Variants in PRTG observed in about 807,000 individuals in gnomAD.
PRTG encodes protogenin.
Under a neutral mutation model 122.5 loss-of-function variants are expected in PRTG, and 67 were observed. The ratio of observed to expected loss-of-function variants is 0.55; its 90% CI spans 0.45 to 0.67. The LOEUF is 0.67. PRTG is among the 30% of genes least tolerant of loss of function. The pLI, the probability that PRTG is intolerant of heterozygous loss-of-function variation, is 0.00. For missense variants in PRTG, 1,435 were observed against 1,415.4 expected (o/e 1.01, Z -0.22); for synonymous variants, 554 against 501.1 (o/e 1.11, Z -1.41).
chr15:55,675,380 T>A (rs2059496703), intron 9 of PRTG, 139 bp downstream of exon 9: 1 of 528,264 alleles, frequency 1.9e-6, no homozygotes, highest in African/African-American at 1.9e-5. Context: ...AAAGCAAGAG[T>A]GAGATTTTGA....
rs1470069141 is a variant in PRTG at position 55,612,583 on chromosome 15, T to C, written c.*7429A>G. ...GGAATAGTTTGCAGAAATATTAAAA[T>C]ACTCCATAATCTTGAAAAAGATCTT... On this transcript the variant is annotated 3_prime_UTR_variant, in exon 20 of 20. Coordinates refer to ENST00000389286, the MANE Select transcript of PRTG (RefSeq NM_173814.6). 6.6e-6 allele frequency: 1 copy of C among 151,544 alleles called. No homozygotes were observed. The highest frequency in any genetic ancestry group is 1.5e-5 in the Non-Finnish European group (1 of 67,814). 9.4% of individuals were successfully genotyped at this position (151,544 alleles called of 1,614,324 possible).
At position 55,619,835 on chromosome 15, in the gene PRTG, T is replaced by C. The variant is rs2059156403; in HGVS notation, c.*177A>G. The C allele has an allele frequency of 6.8e-6, 7 of 1,022,570 alleles. No individual in the cohort carries two copies. Among genetic ancestry groups the C allele is most frequent in the African/African-American group, 3.2e-5 (2 of 62,050 alleles). The allele number at this position is 1,022,570 out of a possible 1,614,324, so 63.3% of individuals were successfully genotyped here. ...TTCATTGTCCTTCGAACAGATTTAA[T>C]GGTGAGAATACCTGAGCATGGCCGT... On this transcript the variant is annotated 3_prime_UTR_variant, in exon 20 of 20. Transcript: ENST00000389286.
Position 55,680,193 on chromosome 15 carries a change from G to C in PRTG, c.834C>G (p.Val278=). The part of the protein sequence containing the change: ...WSRLDHKSID[V]FNTRVLGNGN... ...CATTTCCAAGTACCCGAGTATTAAA[G>C]ACATCAATGGATTTGTGATCTATTT... Residue 278 remains valine (V), a synonymous_variant, in exon 6 of 20, where the codon GTC becomes GTG. Coordinates refer to ENST00000389286, the MANE Select transcript of PRTG (RefSeq NM_173814.6). 6.2e-7 allele frequency: 1 copy of C among 1,609,636 alleles called. No individual in the cohort carries two copies. Among genetic ancestry groups the C allele is most frequent in the Non-Finnish European group, 8.5e-7 (1 of 1,176,162 alleles).
At position 55,736,503 on chromosome 15, in the gene PRTG, T is replaced by C. The variant is rs116257160; in HGVS notation, c.397+3879A>G. Reference sequence around the variant, plus strand: ...TACGCAAGCCTCACCCAAAGAACAGTTTTTCATGAATCCCACATAAACCCT... The same window carrying C: ...TACGCAAGCCTCACCCAAAGAACAGCTTTTCATGAATCCCACATAAACCCT... On this transcript the variant is annotated intron_variant, in intron 2 of 19. Transcript: ENST00000389286. Among the ~76,000 whole-genome samples the C allele has an allele frequency of 4.6e-3, 702 of 152,168 alleles. 9 individuals are homozygous for C. Among genetic ancestry groups the C allele is most frequent in the African/African-American group, 0.016 (680 of 41,536 alleles).
intron 2 of PRTG, among the ~76,000 whole-genome samples, chr15:55,685,848 A>G (rs565207844): frequency 6.6e-6 from 1 of 152,320 alleles, no homozygotes; most frequent in African/African-American, 2.4e-5. Flanking sequence ...CTAAAAATCG[A>G]TATCATGAAT....
intron 11 of PRTG, among the ~76,000 whole-genome samples, chr15:55,651,256 G>T (rs957614026): frequency 6.6e-6 from 1 of 151,816 alleles, no homozygotes; most frequent in Non-Finnish European, 1.5e-5. Flanking sequence ...TCTGAAACAG[G>T]CCCTGAATAA....
In PRTG at chr15:55,679,465, T is replaced by C; in HGVS notation, c.974-20A>G. On this transcript the variant is annotated intron_variant, in intron 6 of 19. Transcript: ENST00000389286. ...GAGGAGCTATTTTTAAAGAAAAAAA[T>C]GAAATATTTCTGTGATCCTAATAGG... 11 of 1,590,578 alleles carry C rather than the reference T, an allele frequency of 6.9e-6. No homozygotes were observed. The highest frequency in any genetic ancestry group is 9.5e-6 in the Non-Finnish European group (11 of 1,162,966).
intron 15 of PRTG, among the ~76,000 whole-genome samples, chr15:55,631,605 G>C (rs532630092): frequency 4.6e-5 from 7 of 152,286 alleles, no homozygotes; most frequent in Admixed American, 1.3e-4. Flanking sequence ...ATCTTAATTA[G>C]TGTGATTATT....
intron 8 of PRTG, among the ~76,000 whole-genome samples, chr15:55,676,262 C>T (rs2059502314): frequency 6.8e-6 from 1 of 147,624 alleles, no homozygotes; most frequent in Admixed American, 6.7e-5. Flanking sequence ...AATGCTTTGT[C>T]CCACAGTGAG....
Position 55,679,913 on chromosome 15 carries a change from T to C in PRTG, c.973+141A>G, listed in dbSNP as rs1484131708. 4.5e-6 allele frequency: 3 copies of C among 672,704 alleles called. No individual in the cohort carries two copies. In the African/African-American group the frequency reaches 5.5e-5, roughly 12 times the overall value. 41.7% of individuals were successfully genotyped at this position (672,704 alleles called of 1,614,324 possible). A position where few individuals can be genotyped will look rare whatever the true frequency, so the allele number is the denominator to read the frequency against. On this transcript the variant is annotated intron_variant, in intron 6 of 19. Transcript: ENST00000389286. ...AGTTATATTTTAACATAAATATTTG[T>C]TTTTTCCTGAAATTCATCATTTGAT... is the stretch of plus-strand genomic sequence containing the variant.
rs1313068349 is a variant in PRTG at position 55,613,966 on chromosome 15, C to A, written c.*6046G>T. The A allele has an allele frequency of 6.6e-6, 1 of 152,008 alleles. No individual in the cohort carries two copies. Among genetic ancestry groups the A allele is most frequent in the South Asian group, 2.1e-4 (1 of 4,826 alleles). The allele number at this position is 152,008 out of a possible 1,614,324, so 9.4% of individuals were successfully genotyped here. A position where few individuals can be genotyped will look rare whatever the true frequency, so the allele number is the denominator to read the frequency against. Reference sequence around the variant, plus strand: ...TGTAGCAGCAGTTTGCAGAGATGAACCATGTGCTTGGCACACTGTAGATGC... The same window carrying A: ...TGTAGCAGCAGTTTGCAGAGATGAAACATGTGCTTGGCACACTGTAGATGC... On this transcript the variant is annotated 3_prime_UTR_variant, in exon 20 of 20. Transcript: ENST00000389286.
intron 11 of PRTG, among the ~76,000 whole-genome samples, chr15:55,665,334 A>G (rs1330321479): frequency 2.0e-5 from 3 of 152,012 alleles, no homozygotes; most frequent in African/African-American, 7.2e-5. Flanking sequence ...AAAACAATAG[A>G]TAGAGGGGAG....
chr15:55,693,588 G>T (rs2059616829), intron 2 of PRTG, among the ~76,000 whole-genome samples: 1 of 152,136 alleles, frequency 6.6e-6, no homozygotes, highest in Non-Finnish European at 1.5e-5. Context: ...AGCCTTGAAG[G>T]TAAGAGTACA....
intron 2 of PRTG, among the ~76,000 whole-genome samples, chr15:55,729,226 G>A (rs1418479416): frequency 6.6e-6 from 1 of 152,180 alleles, no homozygotes; most frequent in African/African-American, 2.4e-5. Flanking sequence ...CCACAACGTG[G>A]ATAAACCTTG....
intron 1 of PRTG, chr15:55,742,604 GCCCGGAGAAGCT>G (rs1567124202): frequency 6.0e-6 from 3 of 500,088 alleles, no homozygotes; most frequent in Non-Finnish European, 1.0e-5. Context: ...AGGGGCGTGC[GCCCGGAGAAGCT>G]CCCGCAGCCC....
At chr15:55,733,514 CA>C (rs1171561645) in intron 2 of PRTG, among the ~76,000 whole-genome samples, 2,663 of 76,436 alleles carry the variant, frequency 0.035, 57 homozygotes, top group Middle Eastern at 0.2. Flanking sequence ...CTGTCTCAAA[CA>C]AAAAAAAAAA....
chr15:55,679,320 T>A lies in PRTG; in HGVS notation c.1099A>T (p.Ile367Leu), dbSNP rs779438709. 4.3e-6 allele frequency: 7 copies of A among 1,612,926 alleles called. No individual in the cohort carries two copies. In the African/African-American group the frequency reaches 9.3e-5, roughly 22 times the overall value. The change falls in exon 7 of 20, where the codon ATA becomes TTA. Residue 367 changes from isoleucine to leucine, a missense_variant. Coordinates refer to ENST00000389286, the MANE Select transcript of PRTG (RefSeq NM_173814.6). ...KMSWLKNGRKIHSNGRIKMYN... is the reference protein window; with the variant it reads ...KMSWLKNGRKLHSNGRIKMYN... ...ATTTTAATTCTACCATTCGAATGTA[T>A]CTTCCTTCCATTTTTCAACCATGAC... is the stretch of plus-strand genomic sequence containing the variant.
intron 11 of PRTG, among the ~76,000 whole-genome samples, chr15:55,649,450 C>T (rs900242606): frequency 2.0e-5 from 3 of 151,930 alleles, no homozygotes; most frequent in Admixed American, 2.0e-4. Flanking sequence ...TAAAAGAGGG[C>T]TTGAGTACAA....
At position 55,612,698 on chromosome 15, in the gene PRTG, ATATATATATATAT is replaced by A; in HGVS notation, c.*7301_*7313del. On this transcript the variant is annotated 3_prime_UTR_variant, in exon 20 of 20. Transcript: ENST00000389286. ...TCTCTCTTTAACTCTTTAAAAGCCA[ATATATATATATAT>A]ATATATATATATATATATATATATA... 4.1e-4 allele frequency: 1 copy of A among 2,420 alleles called. No individual in the cohort carries two copies. Among genetic ancestry groups the A allele is most frequent in the African/African-American group, 5.7e-4 (1 of 1,742 alleles). 0.1% of individuals were successfully genotyped at this position (2,420 alleles called of 1,614,324 possible).
Sources: allele counts gnomAD v4.1 joint callset (sites outside exome capture counted in the v4.1 genomes callset), GRCh38; gene constraint gnomAD v4.1.1; transcripts MANE v1.5; gene names NCBI Gene and HGNC (gene_info 2026-07-23, HGNC 2026-07-21).